SMARCAD1: variants seen among roughly 807,000 people sequenced by gnomAD.
The protein encoded by SMARCAD1 is SNF2 related chromatin remodeling ATPase with DExD box 1.
In SMARCAD1, 25 loss-of-function variants were observed where a neutral mutation model predicts 127.1. That is an observed-to-expected ratio of 0.20 (90% confidence interval 0.14 to 0.27). SMARCAD1 has a LOEUF of 0.27. SMARCAD1 is among the 10% of genes least tolerant of loss of function. The pLI, the probability that SMARCAD1 is intolerant of heterozygous loss-of-function variation, is 1.00. For synonymous variants in SMARCAD1, 400 were observed against 396.9 expected, an observed-to-expected ratio of 1.01 and a Z score of -0.09; for missense variants, 807 against 1,206.0, an observed-to-expected ratio of 0.67 and a Z score of 4.90.
chr4:94,226,859 G>A (rs1745095019), intron 3 of SMARCAD1, among the ~76,000 whole-genome samples: 1 of 150,988 alleles, frequency 6.6e-6, no homozygotes, highest in African/African-American at 2.5e-5. Context: ...TCAGGGAATC[G>A]TTTCTTTTTT....
chr4:94,272,546 A>G (rs551958914), intron 11 of SMARCAD1, among the ~76,000 whole-genome samples: 1 of 152,110 alleles, frequency 6.6e-6, no homozygotes, highest in African/African-American at 2.4e-5. Flanking sequence ...CTATTCTTAT[A>G]CCTATCCTCG....
chr4:94,273,747 C>T (rs1457656507), intron 12 of SMARCAD1, 31 bp downstream of exon 12: 1 of 1,540,060 alleles, frequency 6.5e-7, no homozygotes, highest in South Asian at 1.1e-5. Flanking sequence ...CTGTATTTAA[C>T]TTTATCATGT....
At position 94,290,071 on chromosome 4, in the gene SMARCAD1, A is replaced by C. The variant is rs769929049; in HGVS notation, c.*537A>C. Reference sequence around the variant, plus strand: ...TGTTCACCAATGTCAGCAAGAACTCAACCTGAATTTAAAGGTGGCATTCCA... The same window carrying C: ...TGTTCACCAATGTCAGCAAGAACTCCACCTGAATTTAAAGGTGGCATTCCA... On this transcript the variant is annotated 3_prime_UTR_variant, in exon 24 of 24. Transcript: ENST00000354268. 3 of 454,376 alleles carry C rather than the reference A, an allele frequency of 6.6e-6. No homozygotes were observed. Among genetic ancestry groups the C allele is most frequent in the South Asian group, 4.7e-5 (3 of 64,480 alleles). 28.1% of individuals were successfully genotyped at this position (454,376 alleles called of 1,614,324 possible). A position where few individuals can be genotyped will look rare whatever the true frequency, so the allele number is the denominator to read the frequency against.
intron 6 of SMARCAD1, among the ~76,000 whole-genome samples, chr4:94,245,277 TG>T (rs1748240278): frequency 1.3e-5 from 2 of 152,258 alleles, no homozygotes; most frequent in African/African-American, 4.8e-5. Flanking sequence ...GCTGTATGGA[TG>T]CAGAAGATGT....
chr4:94,246,739 G>A (rs1046627113), intron 6 of SMARCAD1, among the ~76,000 whole-genome samples: 1 of 152,124 alleles, frequency 6.6e-6, no homozygotes, highest in Non-Finnish European at 1.5e-5. Flanking sequence ...TGGATCAAGT[G>A]ATACTCTCTA....
At chr4:94,232,847 G>T (rs1027388327) in intron 3 of SMARCAD1, among the ~76,000 whole-genome samples, 1 of 152,096 alleles carries the variant, frequency 6.6e-6, no homozygotes, top group Non-Finnish European at 1.5e-5. Flanking sequence ...AGGTGTGGTG[G>T]CAAGCACCTG....
In SMARCAD1 at chr4:94,284,941, ATT is replaced by A; in HGVS notation, c.2910-16_2910-15del. ...ACTATATTTAGTAACCAATGGACAT[ATT>A]TTGTATTTTTTTTTAGAGAAGTACT... On this transcript the variant is annotated splice_polypyrimidine_tract_variant and intron_variant, in intron 22 of 23. Coordinates refer to ENST00000354268, the MANE Select transcript of SMARCAD1 (RefSeq NM_020159.5). 7.1e-7 allele frequency: 1 copy of A among 1,409,262 alleles called. No homozygotes were observed. Among genetic ancestry groups the A allele is most frequent in the Non-Finnish European group, 1.0e-6 (1 of 993,904 alleles). 87.3% of individuals were successfully genotyped at this position (1,409,262 alleles called of 1,614,324 possible).
At chr4:94,289,415 AT>A (rs367614432) in intron 23 of SMARCAD1, 57 bp from the exon 24 acceptor site, 308 of 1,439,332 alleles carry the variant, frequency 2.1e-4, no homozygotes, top group Non-Finnish European at 2.4e-4. Flanking sequence ...AATTGAGACA[AT>A]TTTTTTTTAA....
chr4:94,235,205 C>T (rs1035621419), intron 4 of SMARCAD1, among the ~76,000 whole-genome samples: 17 of 147,606 alleles, frequency 1.2e-4, no homozygotes, highest in African/African-American at 3.7e-4. Context: ...TTGTCCCTCT[C>T]CCAGTCCCAG....
Position 94,226,251 on chromosome 4 carries a change from A to G in SMARCAD1, c.323A>G (p.Asn108Ser), listed in dbSNP as rs199979749. The G allele has an allele frequency of 3.3e-5, 53 of 1,613,430 alleles. No homozygotes were observed. In the African/African-American group the frequency reaches 5.7e-4, roughly 17 times the overall value. The part of the protein sequence containing the change: ...SEDVVSPNCS[N>S]TVQEKTFNKD... ...GATGTCGTTTCCCCAAATTGCTCCA[A>G]TACAGTTCAAGAGAAAACATTCAAC... Residue 108 changes from asparagine to serine, a missense_variant, in exon 3 of 24, where the codon AAT becomes AGT. Coordinates refer to ENST00000354268, the MANE Select transcript of SMARCAD1 (RefSeq NM_020159.5).
At position 94,208,389 on chromosome 4, in the gene SMARCAD1, A is replaced by G. The variant is rs41275676; in HGVS notation, c.-6A>G. 0.016 allele frequency: 26,050 copies of G among 1,613,688 alleles called. 252 individuals carry two copies. Among genetic ancestry groups the G allele is most frequent in the Non-Finnish European group, 0.019 (21,889 of 1,179,904 alleles). ...CCATCCCTGCAAGGTGGTGCTTTCT[A>G]CCAATATGAATCTTTTCAACCTGGA... On this transcript the variant is annotated 5_prime_UTR_variant, in exon 2 of 24. Transcript: ENST00000354268.
At chr4:94,285,368 A>G (rs1043258222) in intron 23 of SMARCAD1, among the ~76,000 whole-genome samples, 4 of 152,208 alleles carry the variant, frequency 2.6e-5, no homozygotes, top group African/African-American at 4.8e-5. Flanking sequence ...AATAGAGGTG[A>G]CAAGTGTTAG....
At chr4:94,223,393 T>C (rs536247031) in intron 2 of SMARCAD1, among the ~76,000 whole-genome samples, 3 of 152,000 alleles carry the variant, frequency 2.0e-5, no homozygotes, top group African/African-American at 7.2e-5. Flanking sequence ...CTCAGGAGGC[T>C]GAGGCAGAAG....
chr4:94,257,838 A>G (rs1436812487), intron 9 of SMARCAD1, among the ~76,000 whole-genome samples: 1 of 152,094 alleles, frequency 6.6e-6, no homozygotes, highest in Non-Finnish European at 1.5e-5. Flanking sequence ...GGTCTTATCT[A>G]TCAACTTAAT....
intron 19 of SMARCAD1, among the ~76,000 whole-genome samples, chr4:94,280,352 CA>C (rs1448788621): frequency 3.3e-5 from 5 of 152,134 alleles, no homozygotes; most frequent in Non-Finnish European, 7.4e-5. Context: ...TATTTTGAAC[CA>C]AGTTCTAGAT....
At chr4:94,262,770 C>T (rs943708301) in intron 9 of SMARCAD1, among the ~76,000 whole-genome samples, 6 of 150,506 alleles carry the variant, frequency 4.0e-5, no homozygotes, top group Non-Finnish European at 8.9e-5. Flanking sequence ...TTGTTGTTTC[C>T]CTTGTTTATA....
chr4:94,208,417 G>A lies in SMARCAD1; in HGVS notation c.23G>A (p.Arg8His). 1.2e-6 allele frequency: 2 copies of A among 1,614,010 alleles called. No homozygotes were observed. Among genetic ancestry groups the A allele is most frequent in the Non-Finnish European group, 1.7e-6 (2 of 1,180,024 alleles). ...AATATGAATCTTTTCAACCTGGACC[G>A]TTTTCGCTTTGAGAAAAGGAATAAG... MNLFNLD[R>H]FRFEKRNKIE... The change falls in exon 2 of 24, where the codon CGT (arginine) becomes CAT (histidine). Residue 8 changes from arginine to histidine, a missense_variant. This residue lies in a region of SMARCAD1 where 175 missense variants were observed against 169.5 expected (regional missense o/e 1.03). Transcript: ENST00000354268.
intron 2 of SMARCAD1, among the ~76,000 whole-genome samples, chr4:94,214,521 C>G (rs1021369326): frequency 2.6e-5 from 4 of 152,022 alleles, no homozygotes; most frequent in African/African-American, 9.7e-5. Flanking sequence ...CCGCCTCGGC[C>G]TCCTAAAGTG....
chr4:94,233,356 C>A (rs910667441), intron 3 of SMARCAD1, among the ~76,000 whole-genome samples: 2 of 152,068 alleles, frequency 1.3e-5, no homozygotes, highest in African/African-American at 2.4e-5. Flanking sequence ...CTCAAAATGT[C>A]TTTTATAAAG....
Sources: allele counts gnomAD v4.1 joint callset (sites outside exome capture counted in the v4.1 genomes callset), GRCh38; gene constraint gnomAD v4.1.1; regional missense constraint gnomAD v4.1.1; transcripts MANE v1.5; gene names NCBI Gene and HGNC (gene_info 2026-07-23, HGNC 2026-07-21).